NFATC1: variants seen among roughly 807,000 people sequenced by gnomAD.
NFATC1 encodes the protein nuclear factor of activated T cells 1.
Under a neutral mutation model 76.0 loss-of-function variants are expected in NFATC1, and 22 were observed. That is an observed-to-expected ratio of 0.29 (90% CI 0.21 to 0.41). The LOEUF is 0.41. NFATC1 is among the 10% of genes least tolerant of loss of function. NFATC1 has a pLI of 1.00. For synonymous variants in NFATC1, 704 were observed against 613.1 expected, an observed-to-expected ratio of 1.15 and a Z score of -2.19; for missense variants, 1,357 against 1,337.7, an observed-to-expected ratio of 1.01 and a Z score of -0.23.
In NFATC1 at chr18:79,433,513, G is replaced by A. The variant is rs1402211762; in HGVS notation, c.1227-66G>A. On this transcript the variant is annotated intron_variant, in intron 2 of 9. Transcript: ENST00000427363. ...ACCCAAGATGGCGACGGGTGAGCAC[G>A]GGCACGTGTGGCCCGGGCGAGGTCT... 39 of 1,595,458 alleles carry A rather than the reference G, an allele frequency of 2.4e-5. No homozygotes were observed. The South Asian group carries it at 3.4e-4, about 14-fold the overall frequency.
intron 9 of NFATC1, among the ~76,000 whole-genome samples, chr18:79,490,332 C>G (rs1280197278): frequency 6.6e-6 from 1 of 151,042 alleles, no homozygotes; most frequent in African/African-American, 2.4e-5. Context: ...GGTGCAGGCT[C>G]AGGCTCTCGG....
At chr18:79,478,483 CT>C (rs2089161899) in intron 8 of NFATC1, among the ~76,000 whole-genome samples, 1 of 152,150 alleles carries the variant, frequency 6.6e-6, no homozygotes, top group African/African-American at 2.4e-5. Flanking sequence ...CCGGCTGGGG[CT>C]TTAGAACAGG....
intron 2 of NFATC1, among the ~76,000 whole-genome samples, chr18:79,431,688 G>A (rs2086593813): frequency 6.6e-6 from 1 of 152,018 alleles, no homozygotes; most frequent in Non-Finnish European, 1.5e-5. Flanking sequence ...ACTGCGACTG[G>A]CCTTGTTTTT....
At chr18:79,440,874 T>G (rs2086947514) in intron 3 of NFATC1, among the ~76,000 whole-genome samples, 1 of 152,192 alleles carries the variant, frequency 6.6e-6, no homozygotes, top group Non-Finnish European at 1.5e-5. Context: ...GTCTGTGACG[T>G]TGGTGGCTGT....
chr18:79,397,898 C>T (rs557438298), intron 1 of NFATC1, among the ~76,000 whole-genome samples: 2 of 152,190 alleles, frequency 1.3e-5, no homozygotes, highest in African/African-American at 4.8e-5. Flanking sequence ...CGCCGGGCAG[C>T]GACGCCCGAC....
At chr18:79,403,770 C>T (rs778465636) in intron 1 of NFATC1, among the ~76,000 whole-genome samples, 102 of 152,250 alleles carry the variant, frequency 6.7e-4, no homozygotes, top group Non-Finnish European at 1.3e-3. Context: ...CTTTGGAAGA[C>T]TTTTATTCTC....
intron 1 of NFATC1, among the ~76,000 whole-genome samples, chr18:79,405,476 T>C (rs2085403979): frequency 6.6e-6 from 1 of 152,256 alleles, no homozygotes; most frequent in Admixed American, 6.5e-5. Context: ...AATAGTTAAA[T>C]AACTCAGATT....
Position 79,448,931 on chromosome 18 carries a change from C to G in NFATC1, c.1536C>G (p.Ser512=), listed in dbSNP as rs1242929101. 6.2e-7 allele frequency: 1 copy of G among 1,613,646 alleles called. No individual in the cohort carries two copies. Among genetic ancestry groups the G allele is most frequent in the Non-Finnish European group, 8.5e-7 (1 of 1,180,040 alleles). The part of the protein sequence containing the change: ...VSTTSHEAIL[S]NTKVLEIPLL... Reference sequence around the variant, plus strand: ...CCACCAGCCACGAGGCCATCCTCTCCAACACCAAAGTCCTGGAGATCCCAC... The same window carrying G: ...CCACCAGCCACGAGGCCATCCTCTCGAACACCAAAGTCCTGGAGATCCCAC... The change falls in exon 4 of 10, where the codon TCC becomes TCG. Residue 512 remains serine, a synonymous_variant. Coordinates refer to ENST00000427363, the MANE Select transcript of NFATC1 (RefSeq NM_001278669.2).
At chr18:79,433,808 GCTAA>G in intron 3 of NFATC1, 70 bp downstream of exon 3, 1 of 1,551,132 alleles carries the variant, frequency 6.4e-7, no homozygotes, top group Non-Finnish European at 8.7e-7. Context: ...TGGAGCCACA[GCTAA>G]CTGTGCTTAG....
intron 1 of NFATC1, among the ~76,000 whole-genome samples, chr18:79,396,859 C>T (rs1326607101): frequency 3.9e-5 from 6 of 152,026 alleles, no homozygotes; most frequent in Non-Finnish European, 7.4e-5. Flanking sequence ...CTGAATTCCC[C>T]AGGGCCGAGC....
chr18:79,408,574 C>T (rs1035829734), intron 1 of NFATC1, among the ~76,000 whole-genome samples: 2 of 152,224 alleles, frequency 1.3e-5, no homozygotes, highest in African/African-American at 4.8e-5. Context: ...GTATCAGAAT[C>T]TCCATGAGGG....
rs536312267 is a variant in NFATC1 at position 79,467,375 on chromosome 18, C to T, written c.1960-75C>T. ...GGCCGCCGTGGAAACGCGGGGTTGC[C>T]GTGTGGCCGCCGTGGCGCGGCAGCC... On this transcript the variant is annotated intron_variant, in intron 7 of 9. Coordinates refer to ENST00000427363, the MANE Select transcript of NFATC1 (RefSeq NM_001278669.2). The T allele has an allele frequency of 3.2e-5, 46 of 1,418,268 alleles. No homozygotes were observed. The African/African-American group carries it at 3.8e-4, about 12-fold the overall frequency. 87.9% of individuals were successfully genotyped at this position (1,418,268 alleles called of 1,614,324 possible). A position where few individuals can be genotyped will look rare whatever the true frequency, so the allele number is the denominator to read the frequency against.
intron 9 of NFATC1, among the ~76,000 whole-genome samples, chr18:79,509,290 C>T (rs1264580878): frequency 6.6e-6 from 1 of 152,244 alleles, no homozygotes; most frequent in Non-Finnish European, 1.5e-5. Flanking sequence ...ATGTCCACCG[C>T]GCCTGCCGGA....
intron 2 of NFATC1, among the ~76,000 whole-genome samples, chr18:79,412,434 TG>T (rs1320906881): frequency 1.3e-5 from 2 of 149,754 alleles, no homozygotes; most frequent in Non-Finnish European, 3.0e-5. Flanking sequence ...TTCCTGTTTT[TG>T]TTTTTTTTTT....
chr18:79,525,936 C>T (rs917511099), intron 9 of NFATC1, among the ~76,000 whole-genome samples: 12 of 152,258 alleles, frequency 7.9e-5, no homozygotes, highest in African/African-American at 1.7e-4. Flanking sequence ...ATCCCTGTCT[C>T]GTGCCACAGA....
At chr18:79,468,060 A>C (rs774650182) in intron 8 of NFATC1, 6 of 913,042 alleles carry the variant, frequency 6.6e-6, no homozygotes, top group Non-Finnish European at 7.9e-6. Context: ...GACGTCCCCG[A>C]GACACTTCTC....
At position 79,410,031 on chromosome 18, in the gene NFATC1, T is replaced by C; in HGVS notation, c.128-372T>C. 6.8e-6 allele frequency: 4 copies of C among 591,656 alleles called. No homozygotes were observed. The highest frequency in any genetic ancestry group is 1.4e-5 in the South Asian group (1 of 71,302). The allele number at this position is 591,656 out of a possible 1,614,324, so 36.7% of individuals were successfully genotyped here. ...CGGAACCCGTGAGGACCCAGTCGCC[T>C]CTCTCTGGGAAGGACGTTCGGATGA... On this transcript the variant is annotated intron_variant, in intron 1 of 9. Coordinates refer to ENST00000427363, the MANE Select transcript of NFATC1 (RefSeq NM_001278669.2). This position sits in a 1 kb window ranked among gnomAD's most constrained non-coding sequence, Gnocchi z 6.7.
chr18:79,482,767 GGGT>G (rs2089334795), intron 8 of NFATC1, among the ~76,000 whole-genome samples: 3 of 140,838 alleles, frequency 2.1e-5, no homozygotes, highest in Non-Finnish European at 3.1e-5. Flanking sequence ...CTCGTTCCTG[GGGT>G]GTAATTCCAG....
At chr18:79,503,975 C>A (rs933761061) in intron 9 of NFATC1, among the ~76,000 whole-genome samples, 1 of 152,204 alleles carries the variant, frequency 6.6e-6, no homozygotes, top group Admixed American at 6.5e-5. Context: ...TTCCTCATCT[C>A]TCAGCCTTCG....
Sources: allele counts gnomAD v4.1 joint callset (sites outside exome capture counted in the v4.1 genomes callset), GRCh38; gene constraint gnomAD v4.1.1; non-coding constraint Gnocchi (gnomAD v3.1); transcripts MANE v1.5; gene names NCBI Gene and HGNC (gene_info 2026-07-23, HGNC 2026-07-21).